The following NECTIN3 variants were observed in gnomAD, a reference collection of about 807,000 sequenced individuals.
NECTIN3 encodes the protein nectin cell adhesion molecule 3.
NECTIN3 carries 8 observed loss-of-function variants against 49.4 expected under a neutral mutation model. The ratio of observed to expected loss-of-function variants is 0.16; its 90% confidence interval spans 0.10 to 0.29. NECTIN3 has a LOEUF of 0.29. Ranked by LOEUF, NECTIN3 falls within the 10% of genes least tolerant of loss-of-function variation. NECTIN3 has a pLI of 1.00. For synonymous variants in NECTIN3, 277 were observed against 241.1 expected (o/e 1.15, Z -1.38); for missense variants, 581 against 654.6 (o/e 0.89, Z 1.23).
upstream of NECTIN3, among the ~76,000 whole-genome samples, chr3:111,190,225 A>G (rs2035791002): frequency 6.6e-6 from 1 of 152,186 alleles, no homozygotes; most frequent in Admixed American, 6.5e-5. Context: ...GTGTACTGTT[A>G]ATATCACCTG....
chr3:111,116,331 G>A (rs1400799688), intron 2 of NECTIN3, among the ~76,000 whole-genome samples: 3 of 152,042 alleles, frequency 2.0e-5, no homozygotes, highest in Non-Finnish European at 2.9e-5. Context: ...AAAATGTTTT[G>A]ACTATTTTTT....
intron 4 of NECTIN3, 115 bp from the exon 5 acceptor site, chr3:111,126,069 G>T: frequency 2.8e-6 from 2 of 711,984 alleles, no homozygotes; most frequent in Middle Eastern, 4.3e-4. Context: ...AATTTTGTCT[G>T]AGATGCTTTT....
intron 5 of NECTIN3, among the ~76,000 whole-genome samples, chr3:111,128,351 A>T (rs764088901): frequency 2.6e-5 from 4 of 151,978 alleles, no homozygotes; most frequent in Admixed American, 6.6e-5. Flanking sequence ...TAAAAAATAA[A>T]TATCAAGGCT....
intron 5 of NECTIN3, among the ~76,000 whole-genome samples, chr3:111,143,850 G>A (rs2034810307): frequency 6.6e-6 from 1 of 151,858 alleles, no homozygotes; most frequent in Non-Finnish European, 1.5e-5. Context: ...GAATGGTCTT[G>A]GCAGATTATT....
chr3:111,119,383 G>C (rs2033845861), intron 3 of NECTIN3, among the ~76,000 whole-genome samples: 1 of 152,224 alleles, frequency 6.6e-6, no homozygotes, highest in Non-Finnish European at 1.5e-5. Context: ...CCAGGCTGGA[G>C]TGTAGTGGCG....
At chr3:111,164,765 A>G (rs1462620465) in intron 7 of NECTIN3, among the ~76,000 whole-genome samples, 1 of 152,204 alleles carries the variant, frequency 6.6e-6, no homozygotes, top group Non-Finnish European at 1.5e-5. Context: ...CCAAATCAGC[A>G]TGACCTCATT....
rs779467737 is a variant in NECTIN3, at chr3:111,118,963, G to C, written c.799+11G>C. 1.3e-6 allele frequency: 2 copies of C among 1,558,730 alleles called. No homozygotes were observed. Among genetic ancestry groups the C allele is most frequent in the Non-Finnish European group, 1.7e-6 (2 of 1,148,800 alleles). On this transcript the variant is annotated intron_variant, in intron 3 of 5. Transcript: ENST00000485303. ...TATTAGACATACAGTGTAAGTAAAT[G>C]GTAACATTTACTTTTTAAATATTTG...
chr3:111,158,582 A>G (rs1386467071), intron 7 of NECTIN3, among the ~76,000 whole-genome samples: 1 of 152,146 alleles, frequency 6.6e-6, no homozygotes, highest in East Asian at 1.9e-4. Context: ...TGCAGACGAT[A>G]TTTAAGAAAA....
In NECTIN3 at chr3:111,126,309, G is replaced by A. The variant is rs751247055; in HGVS notation, c.1043G>A (p.Ser348Asn). Reference sequence around the variant, plus strand: ...GTGACCAATTCCCTTGGTCAAAGAAGTGACCAAAAAGTCATCTACATTTCA... The same window carrying A: ...GTGACCAATTCCCTTGGTCAAAGAAATGACCAAAAAGTCATCTACATTTCA... ...CKVTNSLGQR[S>N]DQKVIYISDP... Residue 348 changes from serine (S) to asparagine (N), a missense_variant, in exon 5 of 6, where the codon AGT (serine) becomes AAT (asparagine). This residue lies in a region of NECTIN3 where 238 missense variants were observed against 244.9 expected (regional missense o/e 0.97). Transcript: ENST00000485303. 6.2e-7 allele frequency: 1 copy of A among 1,607,264 alleles called. No homozygotes were observed. Among genetic ancestry groups the A allele is most frequent in the Non-Finnish European group, 8.5e-7 (1 of 1,177,878 alleles).
rs373985026 is a variant in NECTIN3, at chr3:111,101,898, AT to A, written c.161-10131del. On this transcript the variant is annotated intron_variant, in intron 1 of 5. Transcript: ENST00000485303. ...TTCGTTTCCAGCCTTATTTGTACTT[AT>A]GTATTTTGGCTTCATACTGAATCTT... is the stretch of plus-strand genomic sequence containing the variant. Among the ~76,000 whole-genome samples the A allele has an allele frequency of 1.7e-3, 262 of 152,108 alleles. 2 individuals are homozygous for A. Among genetic ancestry groups the A allele is most frequent in the South Asian group, 6.8e-3 (33 of 4,822 alleles).
chr3:111,072,477 C>T, intron 1 of NECTIN3: 28 of 1,535,856 alleles, frequency 1.8e-5, no homozygotes, highest in Non-Finnish European at 2.4e-5. Flanking sequence ...GCTCCGGGGA[C>T]CGTTACTTCC....
At chr3:111,155,407 C>T (rs1226336533) in intron 7 of NECTIN3, among the ~76,000 whole-genome samples, 3 of 152,000 alleles carry the variant, frequency 2.0e-5, no homozygotes, top group Non-Finnish European at 4.4e-5. Context: ...AATAAGGAAC[C>T]ATTGAAGTTT....
At position 111,163,761 on chromosome 3, in the gene NECTIN3, A is replaced by G. The variant is rs147289999; in HGVS notation, c.1221+16277A>G. On this transcript the variant is annotated intron_variant, in intron 7 of 8. Transcript: ENST00000493615. ...AAGATTCATTTTATAGGTGGTTAATACATTAATATTTTTATGTCACAATGA... is the reference window on the plus strand; with the variant it reads ...AAGATTCATTTTATAGGTGGTTAATGCATTAATATTTTTATGTCACAATGA... Among the ~76,000 whole-genome samples the G allele has an allele frequency of 3.2e-3, 486 of 152,310 alleles. 1 individual carries two copies. Among genetic ancestry groups the G allele is most frequent in the Non-Finnish European group, 5.2e-3 (351 of 68,016 alleles).
chr3:111,105,150 C>CT (rs63305862), intron 1 of NECTIN3, among the ~76,000 whole-genome samples: 128 of 133,838 alleles, frequency 9.6e-4, no homozygotes, highest in African/African-American at 3.3e-3. Context: ...TTTCTTTTTT[C>CT]TTTTTTTTTT....
At chr3:111,113,843 G>T (rs953530041) in intron 2 of NECTIN3, among the ~76,000 whole-genome samples, 29 of 152,076 alleles carry the variant, frequency 1.9e-4, no homozygotes, top group African/African-American at 6.5e-4. Flanking sequence ...AATTAGCCAG[G>T]CATGGTAGTG....
chr3:111,114,909 G>A (rs1161162975), intron 2 of NECTIN3, among the ~76,000 whole-genome samples: 1 of 152,032 alleles, frequency 6.6e-6, no homozygotes, highest in Non-Finnish European at 1.5e-5. Flanking sequence ...TAGGGCTAAC[G>A]GCAGGACTTA....
intron 7 of NECTIN3, among the ~76,000 whole-genome samples, chr3:111,166,195 T>C (rs2035316185): frequency 6.6e-6 from 1 of 152,192 alleles, no homozygotes; most frequent in East Asian, 1.9e-4. Flanking sequence ...GGCTGGAGAA[T>C]TGACCCCCAG....
intron 5 of NECTIN3, among the ~76,000 whole-genome samples, chr3:111,130,256 G>A (rs921451936): frequency 1.4e-4 from 20 of 139,018 alleles, no homozygotes; most frequent in African/African-American, 6.0e-4. Flanking sequence ...GCACCTAGCC[G>A]AGAATGTTTT....
At chr3:111,159,597 CT>C (rs1275872445) in intron 7 of NECTIN3, among the ~76,000 whole-genome samples, 1 of 152,054 alleles carries the variant, frequency 6.6e-6, no homozygotes, top group African/African-American at 2.4e-5. Flanking sequence ...AGTCATTGAC[CT>C]GGAGTTGAAA....
Sources: gnomAD v4.1 joint callset for allele counts (sites outside exome capture counted in the v4.1 genomes callset) on GRCh38, gnomAD v4.1.1 for gene constraint, gnomAD v4.1.1 regional missense constraint, MANE v1.5 for transcripts, NCBI Gene and HGNC (gene_info 2026-07-23, HGNC 2026-07-21) for gene names.